PRKG1: variants seen among roughly 807,000 people sequenced by gnomAD.
PRKG1 encodes the protein protein kinase cGMP-dependent 1.
A neutral mutation model predicts 88.1 loss-of-function variants in PRKG1; 35 were observed. That is an observed-to-expected ratio of 0.40 (90% confidence interval 0.30 to 0.53). The LOEUF is 0.53. Ranked by LOEUF, PRKG1 falls within the 20% of genes least tolerant of loss-of-function variation. PRKG1 has a pLI of 0.59. For synonymous variants in PRKG1, 303 were observed against 292.5 expected, an observed-to-expected ratio of 1.04 and a Z score of -0.37; for missense variants, 540 against 839.8, an observed-to-expected ratio of 0.64 and a Z score of 4.41.
intron 2 of PRKG1, among the ~76,000 whole-genome samples, chr10:51,304,975 A>G (rs1336053779): frequency 6.6e-6 from 1 of 152,086 alleles, no homozygotes; most frequent in Non-Finnish European, 1.5e-5. Flanking sequence ...CAGAATCAGC[A>G]AGGCCATTCT....
intron 3 of PRKG1, among the ~76,000 whole-genome samples, chr10:51,497,726 T>G (rs192633980): frequency 1.5e-3 from 234 of 152,308 alleles, no homozygotes; most frequent in African/African-American, 5.5e-3. Context: ...GTCTATTCTC[T>G]GCAGAAATGT....
intron 2 of PRKG1, among the ~76,000 whole-genome samples, chr10:51,185,454 T>A (rs920240829): frequency 6.6e-6 from 1 of 152,062 alleles, no homozygotes; most frequent in Non-Finnish European, 1.5e-5. Flanking sequence ...TTAATTTTGA[T>A]GTTTTCTCTC....
At chr10:51,781,238 A>G (rs1838580704) in intron 3 of PRKG1, among the ~76,000 whole-genome samples, 1 of 152,180 alleles carries the variant, frequency 6.6e-6, no homozygotes, top group Non-Finnish European at 1.5e-5. Flanking sequence ...AACAAAAAAC[A>G]GACATCTGGA....
At chr10:52,035,855 C>G (rs991135268) in intron 5 of PRKG1, among the ~76,000 whole-genome samples, 1 of 152,200 alleles carries the variant, frequency 6.6e-6, no homozygotes, top group Non-Finnish European at 1.5e-5. Flanking sequence ...CCGCTGCACG[C>G]AGACATGAGG....
chr10:51,478,725 T>C (rs1473441906), intron 3 of PRKG1, among the ~76,000 whole-genome samples: 2 of 136,660 alleles, frequency 1.5e-5, no homozygotes, highest in Non-Finnish European at 3.2e-5. Flanking sequence ...AAGCATAACA[T>C]GAAGCAGAGT....
intron 3 of PRKG1, among the ~76,000 whole-genome samples, chr10:51,767,209 T>C (rs889744766): frequency 6.6e-6 from 1 of 152,152 alleles, no homozygotes; most frequent in African/African-American, 2.4e-5. Context: ...ATGCCAAGAT[T>C]AGAAGATAGG....
chr10:51,299,269 G>A (rs576323538), intron 2 of PRKG1, among the ~76,000 whole-genome samples: 5 of 151,628 alleles, frequency 3.3e-5, no homozygotes, highest in South Asian at 2.1e-4. Context: ...GCAGTGGTAC[G>A]ATCTCGGCTC....
At chr10:52,237,253 T>C (rs372054033) in intron 9 of PRKG1, among the ~76,000 whole-genome samples, 39 of 143,684 alleles carry the variant, frequency 2.7e-4, no homozygotes, top group Non-Finnish European at 3.3e-4. Flanking sequence ...CTTTGAAAAC[T>C]GGCACAAGAC....
chr10:51,687,955 C>A (rs1841036862), intron 3 of PRKG1, among the ~76,000 whole-genome samples: 1 of 152,176 alleles, frequency 6.6e-6, no homozygotes, highest in Non-Finnish European at 1.5e-5. Flanking sequence ...TGTCTGCTTG[C>A]TTGTCCAATG....
chr10:52,000,650 C>G (rs1034108412), intron 5 of PRKG1, among the ~76,000 whole-genome samples: 22 of 152,010 alleles, frequency 1.4e-4, no homozygotes, highest in Admixed American at 7.9e-4. Flanking sequence ...CATCTTCTAA[C>G]TGCTTCTCTT....
chr10:52,136,723 C>T (rs1374527031), intron 8 of PRKG1, among the ~76,000 whole-genome samples: 1 of 152,032 alleles, frequency 6.6e-6, no homozygotes, highest in Non-Finnish European at 1.5e-5. Flanking sequence ...ATGCACAGCA[C>T]AATACATGAA....
chr10:52,271,253 T>G, intron 10 of PRKG1, 97 bp from the exon 11 acceptor site: 1 of 1,316,986 alleles, frequency 7.6e-7, no homozygotes, highest in Non-Finnish European at 1.0e-6. Context: ...GTGGCTGAGG[T>G]TCATTTAAGT....
At chr10:51,607,310 C>A (rs1198790816) in intron 3 of PRKG1, among the ~76,000 whole-genome samples, 1 of 152,282 alleles carries the variant, frequency 6.6e-6, no homozygotes. Flanking sequence ...GGCTGGCAAA[C>A]CTTTTCTGTA....
intron 3 of PRKG1, among the ~76,000 whole-genome samples, chr10:51,492,114 C>T (rs987284847): frequency 7.2e-5 from 11 of 152,004 alleles, no homozygotes; most frequent in South Asian, 2.1e-4. Flanking sequence ...ATGATGTGTA[C>T]GTGCTTAAAA....
chr10:52,101,504 A>T (rs1214853773), intron 7 of PRKG1, among the ~76,000 whole-genome samples: 1 of 152,216 alleles, frequency 6.6e-6, no homozygotes, highest in East Asian at 1.9e-4. Flanking sequence ...ATAAACAATG[A>T]AGAAGCAAAG....
chr10:51,419,854 A>G (rs1838359639), intron 2 of PRKG1, among the ~76,000 whole-genome samples: 1 of 151,682 alleles, frequency 6.6e-6, no homozygotes, highest in South Asian at 2.1e-4. Context: ...CCCTGGGACA[A>G]GATTTGTCTA....
intron 2 of PRKG1, among the ~76,000 whole-genome samples, chr10:51,376,934 C>T (rs531698115): frequency 6.6e-6 from 1 of 152,284 alleles, no homozygotes; most frequent in South Asian, 2.1e-4. Flanking sequence ...GCCTGGGACT[C>T]CCAAACTGCT....
intron 7 of PRKG1, among the ~76,000 whole-genome samples, chr10:52,083,718 C>T (rs1293806848): frequency 6.6e-6 from 1 of 151,986 alleles, no homozygotes; most frequent in Non-Finnish European, 1.5e-5. Flanking sequence ...CTGCACATAC[C>T]TACCCTGAGT....
At chr10:51,413,811 T>C (rs1838168436) in intron 2 of PRKG1, among the ~76,000 whole-genome samples, 1 of 152,200 alleles carries the variant, frequency 6.6e-6, no homozygotes, top group Admixed American at 6.5e-5. Context: ...AAGAATCAAC[T>C]TTTGCTGCAT....
Sources: allele counts gnomAD v4.1 joint callset (sites outside exome capture counted in the v4.1 genomes callset), GRCh38; gene constraint gnomAD v4.1.1; transcripts MANE v1.5; gene names NCBI Gene and HGNC (gene_info 2026-07-23, HGNC 2026-07-21).